IFT43: variants seen among roughly 807,000 people sequenced by gnomAD.
IFT43 encodes the protein intraflagellar transport 43, also known as intraflagellar transport protein 43 homolog.
A neutral mutation model predicts 32.3 loss-of-function variants in IFT43; 33 were observed. That is an observed-to-expected ratio of 1.02 (90% confidence interval 0.77 to 1.37). The LOEUF (loss-of-function observed/expected upper bound fraction) is 1.37, where lower values mean the gene tolerates loss of function less well. IFT43 is among the 40% of genes most tolerant of loss of function. The pLI is 0.00. For missense variants in IFT43, 274 were observed against 265.9 expected (o/e 1.03, Z -0.21); for synonymous variants, 93 against 98.2 (o/e 0.95, Z 0.31).
chr14:76,020,251 G>T (rs1483321459), intron 2 of IFT43, among the ~76,000 whole-genome samples: 1 of 152,130 alleles, frequency 6.6e-6, no homozygotes, highest in Non-Finnish European at 1.5e-5. Context: ...GAGATTATAG[G>T]CATGAGCCAC....
chr14:76,037,690 TG>T (rs755149647), intron 3 of IFT43, among the ~76,000 whole-genome samples: 11 of 44,032 alleles, frequency 2.5e-4, no homozygotes, highest in African/African-American at 8.0e-4. Context: ...CCTCATTCTC[TG>T]TTTTTTTTTT....
At chr14:76,032,253 C>A (rs2036521831) in intron 3 of IFT43, among the ~76,000 whole-genome samples, 1 of 152,218 alleles carries the variant, frequency 6.6e-6, no homozygotes, top group Non-Finnish European at 1.5e-5. Flanking sequence ...ACTGCCAGCA[C>A]CTGGCTGCAG....
At chr14:76,045,598 A>AGC (rs1028202107) in intron 3 of IFT43, among the ~76,000 whole-genome samples, 2 of 152,092 alleles carry the variant, frequency 1.3e-5, no homozygotes, top group African/African-American at 4.8e-5. Flanking sequence ...GGAGGGATGG[A>AGC]GCTCTTTCCC....
intron 5 of IFT43, among the ~76,000 whole-genome samples, chr14:76,062,611 A>T (rs189734403): frequency 2.0e-5 from 3 of 152,112 alleles, no homozygotes; most frequent in Non-Finnish European, 4.4e-5. Flanking sequence ...TTGCACCATC[A>T]TAAAGTTGAA....
At chr14:76,041,378 A>T (rs1269775436) in intron 3 of IFT43, among the ~76,000 whole-genome samples, 4 of 152,230 alleles carry the variant, frequency 2.6e-5, no homozygotes, top group African/African-American at 7.2e-5. Context: ...CCTATGGAAT[A>T]TTCCTTTGTT....
chr14:75,985,947 C>G, intron 1 of IFT43, 107 bp downstream of exon 1: 1 of 1,544,380 alleles, frequency 6.5e-7, no homozygotes, highest in African/African-American at 1.4e-5. Context: ...AGGCCTCGCG[C>G]CGCGCCGGGT....
rs763651475 is a variant in IFT43 at position 76,076,595 on chromosome 14, A to G, written c.296-5700A>G. The G allele has an allele frequency of 6.2e-7, 1 of 1,614,096 alleles. No homozygotes were observed. The highest frequency in any genetic ancestry group is 1.1e-5 in the South Asian group (1 of 91,078). ...AATCTAAGAAGTCACTTTCTGTTCT[A>G]GCGGTACCCAAACAGGCAAACAACA... is the stretch of plus-strand genomic sequence containing the variant. On this transcript the variant is annotated intron_variant, in intron 5 of 8. Coordinates refer to ENST00000314067, the MANE Select transcript of IFT43 (RefSeq NM_001102564.3).
chr14:76,046,007 G>A (rs534154222), intron 3 of IFT43, among the ~76,000 whole-genome samples: 24 of 152,308 alleles, frequency 1.6e-4, no homozygotes, highest in Non-Finnish European at 2.6e-4. Flanking sequence ...TATAAAGACC[G>A]TGTCATGTGA....
chr14:76,010,912 T>C (rs1205859098), intron 2 of IFT43, among the ~76,000 whole-genome samples: 1 of 151,826 alleles, frequency 6.6e-6, no homozygotes, highest in East Asian at 1.9e-4. Flanking sequence ...TCCTTTTTTT[T>C]TTTTTTTAAT....
rs542857735 is a variant in IFT43, at chr14:76,037,198, C to A, written c.215+14804C>A. ...TTAGGTGTAGCTCTAACTGGGAGTT[C>A]CATTTAGGCCCAGTTTTGGCAGGAA... On this transcript the variant is annotated intron_variant, in intron 3 of 8. Coordinates refer to ENST00000314067, the MANE Select transcript of IFT43 (RefSeq NM_001102564.3). 2.0e-5 allele frequency among the ~76,000 whole-genome samples: 3 copies of A among 152,200 alleles called. No homozygotes were observed. In the East Asian group the frequency reaches 5.8e-4, roughly 29 times the overall value.
chr14:76,002,469 G>A (rs780341672), intron 2 of IFT43, among the ~76,000 whole-genome samples: 1 of 151,866 alleles, frequency 6.6e-6, no homozygotes, highest in Non-Finnish European at 1.5e-5. Context: ...GGAAGGAGGG[G>A]ACTGGATATT....
At position 76,021,662 on chromosome 14, in the gene IFT43, G is replaced by T. The variant is rs755935952; in HGVS notation, c.148-665G>T. The stretch of plus-strand genomic sequence containing the variant: ...TTCCTTATTGCTAGCAATTTTGGTT[G>T]TTTCTAGCTATTCACTACTCAAAAA... On this transcript the variant is annotated intron_variant, in intron 2 of 8. Coordinates refer to ENST00000314067, the MANE Select transcript of IFT43 (RefSeq NM_001102564.3). Among the ~76,000 whole-genome samples, 55 of 152,098 alleles carry T rather than the reference G, an allele frequency of 3.6e-4. 1 individual carries two copies. The highest frequency in any genetic ancestry group is 7.4e-4 in the Non-Finnish European group (50 of 68,002).
chr14:76,041,781 G>A (rs1368690516), intron 3 of IFT43, among the ~76,000 whole-genome samples: 1 of 152,026 alleles, frequency 6.6e-6, no homozygotes, highest in Non-Finnish European at 1.5e-5. Flanking sequence ...ATCACATTAA[G>A]TGCCTTCTGC....
At chr14:76,026,968 A>C (rs1236475603) in intron 3 of IFT43, among the ~76,000 whole-genome samples, 2 of 152,212 alleles carry the variant, frequency 1.3e-5, no homozygotes, top group African/African-American at 4.8e-5. Context: ...ATCCTTAGCA[A>C]ACTAATGTAG....
At chr14:76,051,858 T>C (rs948765256) in intron 3 of IFT43, among the ~76,000 whole-genome samples, 3 of 152,224 alleles carry the variant, frequency 2.0e-5, no homozygotes, top group Admixed American at 2.0e-4. Flanking sequence ...CAGTTTTGTC[T>C]CTTTTGTAAT....
intron 3 of IFT43, among the ~76,000 whole-genome samples, chr14:76,049,453 G>C (rs942992834): frequency 1.5e-3 from 80 of 51,798 alleles, no homozygotes; most frequent in Non-Finnish European, 2.9e-3. Context: ...TTAAAAAGCT[G>C]TGTGTTTTTT....
intron 3 of IFT43, chr14:76,058,050 A>G (rs1005594785): frequency 6.4e-6 from 1 of 157,198 alleles, no homozygotes; most frequent in Non-Finnish European, 1.4e-5. Flanking sequence ...TGTATCTAAC[A>G]GGCCCCGCGG....
chr14:76,056,179 A>G (rs2037011384), intron 3 of IFT43, among the ~76,000 whole-genome samples: 1 of 152,376 alleles, frequency 6.6e-6, no homozygotes, highest in Admixed American at 6.5e-5. Flanking sequence ...TCTGTGACCC[A>G]GATCAGAGGC....
chr14:76,082,039 C>T (rs538953417), intron 5 of IFT43, among the ~76,000 whole-genome samples: 5 of 152,156 alleles, frequency 3.3e-5, no homozygotes, highest in East Asian at 1.9e-4. Context: ...CACCAAGGAA[C>T]GCCTGGGAAA....
Sources: gnomAD v4.1 joint callset for allele counts (sites outside exome capture counted in the v4.1 genomes callset) on GRCh38, gnomAD v4.1.1 for gene constraint, MANE v1.5 for transcripts, NCBI Gene and HGNC (gene_info 2026-07-23, HGNC 2026-07-21) for gene names.